Variants in GRID1 observed in about 807,000 individuals in gnomAD.
GRID1 encodes the protein glutamate ionotropic receptor delta type subunit 1, also known as glutamate receptor ionotropic, delta-1.
A neutral mutation model predicts 98.0 loss-of-function variants in GRID1; 28 were observed. The observed-to-expected ratio is 0.29, with a 90% CI of 0.21 to 0.39. GRID1 has a LOEUF of 0.39. GRID1 is among the 10% of genes least tolerant of loss of function. The pLI, the probability that GRID1 is intolerant of heterozygous loss-of-function variation, is 1.00. For synonymous variants in GRID1, 553 were observed against 538.5 expected (o/e 1.03, Z -0.37); for missense variants, 1,111 against 1,340.5 (o/e 0.83, Z 2.67).
At chr10:86,297,789 T>C (rs143698973) in intron 2 of GRID1, among the ~76,000 whole-genome samples, 11 of 152,348 alleles carry the variant, frequency 7.2e-5, no homozygotes, top group Non-Finnish European at 1.2e-4. Flanking sequence ...ATGAATGGGC[T>C]GGACAGAAAG....
chr10:86,238,506 C>T (rs1445814025), intron 2 of GRID1, among the ~76,000 whole-genome samples: 1 of 152,038 alleles, frequency 6.6e-6, no homozygotes, highest in Non-Finnish European at 1.5e-5. Flanking sequence ...CCCATCTCTA[C>T]TAAAAATACA....
At chr10:85,732,701 C>A (rs1484413976) in intron 8 of GRID1, among the ~76,000 whole-genome samples, 2 of 152,080 alleles carry the variant, frequency 1.3e-5, no homozygotes, top group African/African-American at 4.8e-5. Context: ...AAGTGGGTAC[C>A]CTTACAACAA....
intron 2 of GRID1, among the ~76,000 whole-genome samples, chr10:86,310,000 G>A (rs1847810684): frequency 6.6e-6 from 1 of 152,136 alleles, no homozygotes; most frequent in African/African-American, 2.4e-5. Flanking sequence ...ACCCCTTTAT[G>A]TCCAAGCCGG....
intron 5 of GRID1, among the ~76,000 whole-genome samples, chr10:85,874,008 AT>A (rs1249328423): frequency 6.6e-6 from 1 of 152,190 alleles, no homozygotes; most frequent in African/African-American, 2.4e-5. Flanking sequence ...GTATGACTAT[AT>A]TACAATTTAT....
At position 85,925,063 on chromosome 10, in the gene GRID1, G is replaced by C. The variant is rs534751580; in HGVS notation, c.727-8824C>G. 2.6e-5 allele frequency among the ~76,000 whole-genome samples: 4 copies of C among 152,326 alleles called. No individual in the cohort carries two copies. In the South Asian group the frequency reaches 6.2e-4, roughly 24 times the overall value. ...TCAGCAGAAAAATGAAATGGAGCCT[G>C]CTCACAGGCACGATCTGTTTAATAA... On this transcript the variant is annotated intron_variant, in intron 4 of 15. Transcript: ENST00000327946.
intron 8 of GRID1, among the ~76,000 whole-genome samples, chr10:85,820,141 CAGAA>C (rs71016112): frequency 0.22 from 25,694 of 114,908 alleles, 3,279 homozygotes; most frequent in East Asian, 0.34. Flanking sequence ...AAGAAAGAAA[CAGAA>C]AGAAAGAAAG....
chr10:86,080,383 A>G (rs143470869), intron 4 of GRID1, among the ~76,000 whole-genome samples: 852 of 54,664 alleles, frequency 0.016, 17 homozygotes, highest in African/African-American at 0.051. Context: ...AAAGGAAAGG[A>G]AAGGGAAGGG....
At chr10:85,989,340 G>A (rs1220925765) in intron 4 of GRID1, among the ~76,000 whole-genome samples, 1 of 152,196 alleles carries the variant, frequency 6.6e-6, no homozygotes, top group African/African-American at 2.4e-5. Flanking sequence ...AAAATCTGGG[G>A]AATCAAAAAC....
Position 85,856,121 on chromosome 10 carries a change from G to T in GRID1, c.1021C>A (p.Arg341=), listed in dbSNP as rs893024275. 4 of 1,613,884 alleles carry T rather than the reference G, an allele frequency of 2.5e-6. No individual in the cohort carries two copies. The highest frequency in any genetic ancestry group is 3.4e-6 in the Non-Finnish European group (4 of 1,179,910). ...AGGCTCGCCATGCTATGCCACTTCC[G>T]GTCCTCCAGCTTCCTGTGAAAGGCG... The part of the protein sequence containing the change: ...ANAFHRKLED[R]KWHSMASLNC... Residue 341 remains arginine (R), a synonymous_variant, in exon 7 of 16, where the codon CGG becomes AGG. Coordinates refer to ENST00000327946, the MANE Select transcript of GRID1 (RefSeq NM_017551.3).
At chr10:85,611,372 G>A (rs1842730814) in intron 15 of GRID1, among the ~76,000 whole-genome samples, 3 of 152,282 alleles carry the variant, frequency 2.0e-5, no homozygotes, top group South Asian at 2.1e-4. Context: ...ACAGATGATA[G>A]GCTAGAGGCT....
intron 12 of GRID1, among the ~76,000 whole-genome samples, chr10:85,704,879 TA>T (rs1344502403): frequency 3.9e-5 from 6 of 152,122 alleles, no homozygotes; most frequent in Non-Finnish European, 8.8e-5. Context: ...ACTGGGTACA[TA>T]ACGAAAGGAA....
chr10:86,313,538 C>G (rs1847859680), intron 2 of GRID1, among the ~76,000 whole-genome samples: 1 of 152,340 alleles, frequency 6.6e-6, no homozygotes, highest in East Asian at 1.9e-4. Context: ...AAGTGTGGCA[C>G]AGGGGCAGGA....
At chr10:86,050,144 T>G (rs1433020923) in intron 4 of GRID1, among the ~76,000 whole-genome samples, 3 of 152,140 alleles carry the variant, frequency 2.0e-5, no homozygotes, top group Non-Finnish European at 4.4e-5. Context: ...TCAATACACT[T>G]AAGAGGGGTG....
At position 86,345,892 on chromosome 10, in the gene GRID1, A is replaced by G. The variant is rs558303261; in HGVS notation, c.235+18049T>C. 1.0e-3 allele frequency among the ~76,000 whole-genome samples: 152 copies of G among 152,238 alleles called. 1 individual carries two copies. Among genetic ancestry groups the G allele is most frequent in the African/African-American group, 3.5e-3 (145 of 41,556 alleles). On this transcript the variant is annotated intron_variant, in intron 2 of 15. Coordinates refer to ENST00000327946, the MANE Select transcript of GRID1 (RefSeq NM_017551.3). ...CCTGGACAGCTCACCTCTGAGCCCT[A>G]GCTCCAGCTATGCCACTGCCTGGAG...
intron 3 of GRID1, among the ~76,000 whole-genome samples, chr10:86,190,967 C>A (rs1035013766): frequency 3.3e-5 from 5 of 152,120 alleles, no homozygotes; most frequent in African/African-American, 1.2e-4. Flanking sequence ...AATGCATGTG[C>A]CTGTGTGAAC....
intron 2 of GRID1, among the ~76,000 whole-genome samples, chr10:86,361,946 G>A (rs1301672661): frequency 3.3e-5 from 5 of 152,230 alleles, no homozygotes; most frequent in Non-Finnish European, 7.3e-5. Flanking sequence ...CCTTGTGCAA[G>A]AGCATCATGT....
chr10:85,919,604 C>T (rs574229396), intron 4 of GRID1, among the ~76,000 whole-genome samples: 3 of 152,230 alleles, frequency 2.0e-5, no homozygotes, highest in Non-Finnish European at 4.4e-5. Flanking sequence ...GGCAATGTCC[C>T]TCCCAGCACC....
At chr10:86,025,809 A>C (rs1843108869) in intron 4 of GRID1, among the ~76,000 whole-genome samples, 1 of 152,192 alleles carries the variant, frequency 6.6e-6, no homozygotes, top group Admixed American at 6.5e-5. Context: ...TAATCAACCC[A>C]GTTTTGGGAC....
At chr10:86,183,047 T>C (rs182380014) in intron 3 of GRID1, among the ~76,000 whole-genome samples, 1 of 152,334 alleles carries the variant, frequency 6.6e-6, no homozygotes, top group Admixed American at 6.5e-5. Context: ...TTTTGACACA[T>C]GCATCACACA....
Sources: allele counts gnomAD v4.1 joint callset (sites outside exome capture counted in the v4.1 genomes callset), GRCh38; gene constraint gnomAD v4.1.1; transcripts MANE v1.5; gene names NCBI Gene and HGNC (gene_info 2026-07-23, HGNC 2026-07-21).